Variants in CORO7 observed in about 807,000 individuals in gnomAD.
The protein encoded by CORO7 is coronin 7.
Under a neutral mutation model 126.6 loss-of-function variants are expected in CORO7, and 107 were observed. The ratio of observed to expected loss-of-function variants is 0.85; its 90% CI spans 0.72 to 0.99. The LOEUF (loss-of-function observed/expected upper bound fraction) is 0.99. Ranked by LOEUF, CORO7 falls within the 50% of genes least tolerant of loss-of-function variation. The pLI is 0.00. For missense variants in CORO7, 1,314 were observed against 1,255.8 expected, an observed-to-expected ratio of 1.05 and a Z score of -0.70; for synonymous variants, 603 against 536.8, an observed-to-expected ratio of 1.12 and a Z score of -1.70.
intron 7 of CORO7, among the ~76,000 whole-genome samples, chr16:4,390,201 G>A (rs2055338966): frequency 6.6e-6 from 1 of 152,220 alleles, no homozygotes; most frequent in Non-Finnish European, 1.5e-5. Context: ...GGTGGACCCA[G>A]GAGAGCCCCA....
At chr16:4,401,861 C>G (rs2055820401) in intron 6 of CORO7, among the ~76,000 whole-genome samples, 1 of 152,058 alleles carries the variant, frequency 6.6e-6, no homozygotes, top group Non-Finnish European at 1.5e-5. Context: ...CCACCACTGA[C>G]CAGCTATGAC....
At chr16:4,392,892 C>T (rs2055445675) in intron 7 of CORO7, among the ~76,000 whole-genome samples, 1 of 152,172 alleles carries the variant, frequency 6.6e-6, no homozygotes, top group Admixed American at 6.5e-5. Context: ...GGGTGGGAGC[C>T]ACCCACGCTC....
Position 4,365,855 on chromosome 16 carries a change from G to T in CORO7, c.786-310C>A, listed in dbSNP as rs1331993767. Among the ~76,000 whole-genome samples, 3 of 152,150 alleles carry T rather than the reference G, an allele frequency of 2.0e-5. 1 individual carries two copies. Among genetic ancestry groups the T allele is most frequent in the South Asian group, 4.1e-4 (2 of 4,824 alleles). On this transcript the variant is annotated intron_variant, in intron 9 of 27. Coordinates refer to ENST00000251166, the MANE Select transcript of CORO7 (RefSeq NM_024535.5). ...CTCTTCCTCCAAGAAGACCCCACATGCATTCTGTGCCCCTCCCACCTTCGA... is the reference window on the plus strand; with the variant it reads ...CTCTTCCTCCAAGAAGACCCCACATTCATTCTGTGCCCCTCCCACCTTCGA...
At chr16:4,387,278 G>A (rs1273012941) in intron 9 of CORO7, among the ~76,000 whole-genome samples, 1 of 151,996 alleles carries the variant, frequency 6.6e-6, no homozygotes, top group Non-Finnish European at 1.5e-5. Flanking sequence ...TGGCTCCTGA[G>A]CCGCAGTGGG....
chr16:4,359,289 G>A lies in CORO7; in HGVS notation c.2340+7C>T, dbSNP rs1279201992. 2.5e-6 allele frequency: 4 copies of A among 1,597,734 alleles called. No individual in the cohort carries two copies. Among genetic ancestry groups the A allele is most frequent in the Non-Finnish European group, 3.4e-6 (4 of 1,173,286 alleles). ...CCATCGGGGACGAGGCGCCAGGGTG[G>A]CCTCACCTTGTGGGGGTCAGGCGAC... On this transcript the variant is annotated splice_region_variant and intron_variant, in intron 23 of 27. Transcript: ENST00000251166.
chr16:4,416,558 G>A lies in CORO7; in HGVS notation c.-40C>T, dbSNP rs528921628. ...CGGCGGACGCGTCTTCGAGGACCCC[G>A]GGCGTCGGGTCTCAGGTGCACGCTG... On this transcript the variant is annotated 5_prime_UTR_variant, in exon 1 of 28. Coordinates refer to ENST00000251166, the MANE Select transcript of CORO7 (RefSeq NM_024535.5). 84 of 1,570,140 alleles carry A rather than the reference G, an allele frequency of 5.3e-5. No homozygotes were observed. The East Asian group carries it at 1.8e-3, about 34-fold the overall frequency.
At position 4,362,578 on chromosome 16, in the gene CORO7, C is replaced by G; in HGVS notation, c.1402+34G>C. The stretch of plus-strand genomic sequence containing the variant: ...GGGAGTGGGGCAGACAGGGCTCCTG[C>G]GGTAGGGGTGAGCTCCCCGTCCTGC... On this transcript the variant is annotated intron_variant, in intron 15 of 27. Transcript: ENST00000251166. The surrounding 1 kb of genome is among the most constrained non-coding windows in gnomAD (Gnocchi z 5.3). 6.6e-7 allele frequency: 1 copy of G among 1,520,426 alleles called. No homozygotes were observed. The highest frequency in any genetic ancestry group is 8.8e-7 in the Non-Finnish European group (1 of 1,137,838). The allele number at this position is 1,520,426 out of a possible 1,614,324, so 94.2% of individuals were successfully genotyped here. A position where few individuals can be genotyped will look rare whatever the true frequency, so the allele number is the denominator to read the frequency against.
At chr16:4,394,049 C>G (rs1479075550) in intron 7 of CORO7, among the ~76,000 whole-genome samples, 1 of 151,790 alleles carries the variant, frequency 6.6e-6, no homozygotes, top group Non-Finnish European at 1.5e-5. Flanking sequence ...TCCAGCGAGC[C>G]GAGATTGCGC....
At chr16:4,411,840 A>G (rs984358578) in intron 3 of CORO7, among the ~76,000 whole-genome samples, 1 of 151,998 alleles carries the variant, frequency 6.6e-6, no homozygotes, top group South Asian at 2.1e-4. Context: ...TGAGGCGAGC[A>G]AACTGTTCCC....
chr16:4,411,778 G>A (rs539693421), intron 3 of CORO7, among the ~76,000 whole-genome samples: 91 of 152,120 alleles, frequency 6.0e-4, no homozygotes, highest in South Asian at 4.6e-3. Flanking sequence ...GCCCGCGGCC[G>A]CTGCAGCTGG....
intron 6 of CORO7, 162 bp downstream of exon 6, chr16:4,405,329 G>C (rs528978140): frequency 7.6e-6 from 5 of 661,906 alleles, no homozygotes; most frequent in African/African-American, 1.9e-5. Context: ...GTAGGTGAGC[G>C]GGGGTGTGAG....
intron 7 of CORO7, among the ~76,000 whole-genome samples, chr16:4,393,829 G>A (rs568175481): frequency 1.4e-4 from 21 of 152,304 alleles, no homozygotes; most frequent in East Asian, 3.9e-4. Flanking sequence ...GGCCAGGAGC[G>A]GTAGCTCACG....
chr16:4,415,997 G>A (rs1369535188), intron 1 of CORO7: 1 of 521,636 alleles, frequency 1.9e-6, no homozygotes, highest in African/African-American at 2.1e-5. Context: ...TGACACACTT[G>A]GGCTCGCCGG....
At chr16:4,384,873 G>A (rs759920309) in intron 9 of CORO7, among the ~76,000 whole-genome samples, 9 of 152,198 alleles carry the variant, frequency 5.9e-5, no homozygotes, top group Non-Finnish European at 1.3e-4. Context: ...CGTCAAAGGG[G>A]CCTTTGTGGG....
intron 9 of CORO7, chr16:4,387,783 A>C: frequency 1.6e-6 from 1 of 626,336 alleles, no homozygotes; most frequent in Non-Finnish European, 2.8e-6. Context: ...CCAGAGGGGC[A>C]CCTGAGCACC....
Position 4,355,011 on chromosome 16 carries a change from G to T in CORO7, c.*147C>A, listed in dbSNP as rs2053927300. ...GTCCCTGGGAACTGCCAGAGGCCCA[G>T]AGGATGTGGAAGTGCCCACGGGAAG... On this transcript the variant is annotated 3_prime_UTR_variant, in exon 28 of 28. Transcript: ENST00000251166. 4.8e-6 allele frequency: 4 copies of T among 829,148 alleles called. No individual in the cohort carries two copies. The African/African-American group carries it at 5.2e-5, about 11-fold the overall frequency. The allele number at this position is 829,148 out of a possible 1,614,324, so 51.4% of individuals were successfully genotyped here. A position where few individuals can be genotyped will look rare whatever the true frequency, so the allele number is the denominator to read the frequency against.
At chr16:4,405,330 G>T (rs1441370674) in intron 6 of CORO7, 161 bp downstream of exon 6, 1 of 677,038 alleles carries the variant, frequency 1.5e-6, no homozygotes, top group Non-Finnish European at 2.3e-6. Context: ...TAGGTGAGCG[G>T]GGGTGTGAGG....
chr16:4,416,329 G>A, intron 1 of CORO7, 130 bp downstream of exon 1: 2 of 1,281,232 alleles, frequency 1.6e-6, no homozygotes, highest in Non-Finnish European at 2.0e-6. Flanking sequence ...GCCTGAAGGG[G>A]GGTTCCCCGG....
intron 9 of CORO7, chr16:4,382,431 T>C (rs1271356052): frequency 1.2e-6 from 2 of 1,611,188 alleles, no homozygotes; most frequent in East Asian, 2.2e-5. Flanking sequence ...CCTCGCTCGC[T>C]GAGTACACGG....
Sources: gnomAD v4.1 joint callset for allele counts (sites outside exome capture counted in the v4.1 genomes callset) on GRCh38, gnomAD v4.1.1 for gene constraint, Gnocchi (gnomAD v3.1) non-coding constraint, MANE v1.5 for transcripts, NCBI Gene and HGNC (gene_info 2026-07-23, HGNC 2026-07-21) for gene names.